The following FGD5 variants were observed in gnomAD, a reference collection of about 807,000 sequenced individuals.
FGD5 encodes the protein FYVE, RhoGEF and PH domain-containing protein 5.
In FGD5, 28 loss-of-function variants were observed where a neutral mutation model predicts 133.4. That is an observed-to-expected ratio of 0.21 (90% CI 0.16 to 0.29). FGD5 has a LOEUF of 0.29. Ranked by LOEUF, FGD5 falls within the 10% of genes least tolerant of loss-of-function variation. The pLI is 1.00. For missense variants in FGD5, 1,858 were observed against 1,895.2 expected (o/e 0.98, Z 0.36); for synonymous variants, 810 against 776.5 (o/e 1.04, Z -0.72).
At chr3:14,899,273 C>T (rs2038193398) in intron 7 of FGD5, among the ~76,000 whole-genome samples, 1 of 152,180 alleles carries the variant, frequency 6.6e-6, no homozygotes, top group African/African-American at 2.4e-5. Flanking sequence ...CCTCCCATCT[C>T]TCTGTCCCTT....
At position 14,910,854 on chromosome 3, in the gene FGD5, C is replaced by T; in HGVS notation, c.3337-7C>T. On this transcript the variant is annotated splice_region_variant and splice_polypyrimidine_tract_variant and intron_variant, in intron 10 of 19. Coordinates refer to ENST00000285046, the MANE Select transcript of FGD5 (RefSeq NM_152536.4). ...CTGACCGCCAAGTTCTGCTTCTCTC[C>T]CCACAGGAGTTTCTGAAGGAAGGGA... is the stretch of plus-strand genomic sequence containing the variant. 1 of 1,612,652 alleles carries T rather than the reference C, an allele frequency of 6.2e-7. No homozygotes were observed.
chr3:14,852,931 A>C (rs1689531), intron 1 of FGD5, among the ~76,000 whole-genome samples: 52,362 of 151,978 alleles, frequency 0.34, 9,560 homozygotes, highest in East Asian at 0.7. Context: ...CTCAGCACAC[A>C]GTTTCATATG....
chr3:14,820,985 C>A lies in FGD5; in HGVS notation c.1914C>A (p.Ile638=). The change falls in exon 1 of 20, where the codon ATC becomes ATA. Residue 638 remains isoleucine (I), a synonymous_variant. Transcript: ENST00000285046. The part of the protein sequence containing the change: ...PITKSSPSLL[I]ESDSPDKYKK... ...CAAAGAGCTCTCCCTCACTCCTGATCGAGAGCGACTCCCCGGACAAGTACA... is the reference window on the plus strand; with the variant it reads ...CAAAGAGCTCTCCCTCACTCCTGATAGAGAGCGACTCCCCGGACAAGTACA... The A allele has an allele frequency of 6.2e-7, 1 of 1,613,900 alleles. No individual in the cohort carries two copies. Among genetic ancestry groups the A allele is most frequent in the South Asian group, 1.1e-5 (1 of 91,072 alleles).
chr3:14,877,857 G>A (rs1184251095), intron 2 of FGD5, among the ~76,000 whole-genome samples: 3 of 152,204 alleles, frequency 2.0e-5, no homozygotes, highest in South Asian at 2.1e-4. Flanking sequence ...TGTCACAGTG[G>A]GGGTTGAGGG....
intron 6 of FGD5, 128 bp from the exon 7 acceptor site, chr3:14,898,611 G>T (rs1008756638): frequency 2.1e-5 from 15 of 728,126 alleles, no homozygotes; most frequent in African/African-American, 3.5e-5. Context: ...CCTGGTTTTG[G>T]AGATGAGGGA....
chr3:14,851,192 A>C (rs2037157344), intron 1 of FGD5, among the ~76,000 whole-genome samples: 1 of 152,166 alleles, frequency 6.6e-6, no homozygotes, highest in Admixed American at 6.5e-5. Flanking sequence ...CTCTAGTAAC[A>C]TAAAACCAGC....
chr3:14,818,406 C>T (rs545323737), upstream of FGD5, among the ~76,000 whole-genome samples: 10 of 152,234 alleles, frequency 6.6e-5, no homozygotes, highest in South Asian at 4.1e-4. Flanking sequence ...CAAGGGTCCC[C>T]GGCTCTACCC....
intron 16 of FGD5, chr3:14,923,411 AGT>A: frequency 1.1e-5 from 6 of 564,398 alleles, no homozygotes; most frequent in Non-Finnish European, 1.9e-5. Context: ...CTTAGGAATC[AGT>A]GTGTGTGTAA....
chr3:14,868,141 T>G (rs1420700746), intron 2 of FGD5, among the ~76,000 whole-genome samples: 2 of 152,108 alleles, frequency 1.3e-5, no homozygotes, highest in African/African-American at 4.8e-5. Flanking sequence ...ATAGCTCTCC[T>G]TATGAAAGGA....
intron 1 of FGD5, among the ~76,000 whole-genome samples, chr3:14,862,910 G>A (rs1575215431): frequency 6.6e-6 from 1 of 152,156 alleles, no homozygotes; most frequent in East Asian, 1.9e-4. Flanking sequence ...AGCTGCTTAG[G>A]CTACAGGTAC....
intron 1 of FGD5, among the ~76,000 whole-genome samples, chr3:14,844,595 G>C (rs145415763): frequency 2.0e-5 from 3 of 151,926 alleles, no homozygotes; most frequent in Non-Finnish European, 4.4e-5. Flanking sequence ...GCAGAGGTAG[G>C]TTGCGGTGCT....
At chr3:14,907,932 TAA>T (rs1225295122) in intron 10 of FGD5, among the ~76,000 whole-genome samples, 1 of 152,190 alleles carries the variant, frequency 6.6e-6, no homozygotes, top group Non-Finnish European at 1.5e-5. Flanking sequence ...GCAGAGCAGT[TAA>T]AGACTCAGCG....
intron 1 of FGD5, among the ~76,000 whole-genome samples, chr3:14,860,922 T>A (rs1453906772): frequency 6.6e-6 from 1 of 152,032 alleles, no homozygotes; most frequent in Admixed American, 6.6e-5. Context: ...GAGGCTGCGG[T>A]GAGCTATGAT....
chr3:14,846,020 C>T (rs1687325), intron 1 of FGD5, among the ~76,000 whole-genome samples: 100,500 of 152,014 alleles, frequency 0.66, 33,529 homozygotes, highest in African/African-American at 0.74. Context: ...CACCAAGCCC[C>T]GTGGTTTATT....
intron 9 of FGD5, among the ~76,000 whole-genome samples, chr3:14,901,538 G>A (rs1191623916): frequency 6.6e-6 from 1 of 152,238 alleles, no homozygotes. Context: ...AGAGGGCAGA[G>A]TTGATCCCGC....
At chr3:14,899,275 C>G (rs2038193435) in intron 7 of FGD5, among the ~76,000 whole-genome samples, 2 of 152,186 alleles carry the variant, frequency 1.3e-5, no homozygotes, top group Admixed American at 1.3e-4. Flanking sequence ...TCCCATCTCT[C>G]TGTCCCTTCT....
intron 1 of FGD5, among the ~76,000 whole-genome samples, chr3:14,826,136 T>G (rs2036593422): frequency 6.6e-6 from 1 of 152,144 alleles, no homozygotes; most frequent in Admixed American, 6.5e-5. Flanking sequence ...TTCCCCAACA[T>G]TTTGTTATGA....
rs2036286493 is a variant in FGD5, at chr3:14,811,109, G to T, written c.13+244G>T. On this transcript the variant is annotated intron_variant, in intron 1 of 1. Transcript: ENST00000640506. ...ACCTTCTCAGCCTTGGCGAGGCCGCGCCCTGGCCGTGCGCGCCAGTATCCC... is the reference window on the plus strand; with the variant it reads ...ACCTTCTCAGCCTTGGCGAGGCCGCTCCCTGGCCGTGCGCGCCAGTATCCC... Among the ~76,000 whole-genome samples the T allele has an allele frequency of 5.3e-5, 8 of 152,188 alleles. No individual in the cohort carries two copies. The South Asian group carries it at 1.7e-3, about 32-fold the overall frequency.
intron 2 of FGD5, among the ~76,000 whole-genome samples, chr3:14,866,804 C>T (rs1296718242): frequency 6.6e-6 from 1 of 152,158 alleles, no homozygotes; most frequent in Non-Finnish European, 1.5e-5. Flanking sequence ...GCTGGGGCAG[C>T]CCTGCCATGG....
Sources: allele counts gnomAD v4.1 joint callset (sites outside exome capture counted in the v4.1 genomes callset), GRCh38; gene constraint gnomAD v4.1.1; transcripts MANE v1.5; gene names NCBI Gene and HGNC (gene_info 2026-07-23, HGNC 2026-07-21).